The following GALNT13 variants were observed in gnomAD, a reference collection of about 807,000 sequenced individuals.
GALNT13 encodes UDP-GalNAc:polypeptide N-acetylgalactosaminyltransferase 13.
GALNT13 carries 28 observed loss-of-function variants against 64.2 expected under a neutral mutation model. The observed-to-expected ratio is 0.44, with a 90% CI of 0.32 to 0.60. The LOEUF is 0.60. Among genes scored for constraint, GALNT13 ranks in the 20% least tolerant of loss-of-function variants. The probability of loss-of-function intolerance (pLI) is 0.05; values close to 1 mark genes in which losing one functional copy is unlikely to be tolerated. For missense variants in GALNT13, 577 were observed against 669.8 expected (o/e 0.86, Z 1.53); for synonymous variants, 214 against 224.6 (o/e 0.95, Z 0.42).
chr2:154,051,590 A>G (rs760439532), intron 3 of GALNT13, among the ~76,000 whole-genome samples: 110 of 152,218 alleles, frequency 7.2e-4, no homozygotes, highest in Non-Finnish European at 1.1e-3. Context: ...GCGCCCGGCC[A>G]TCTTACTCCT....
the GALNT13 span, among the ~76,000 whole-genome samples, chr2:153,358,327 C>G: frequency 6.6e-6 from 1 of 152,224 alleles, no homozygotes; most frequent in Non-Finnish European, 1.5e-5. Flanking sequence ...TTTTAGATGC[C>G]TAAGGACGTC....
chr2:153,479,264 G>A, the GALNT13 span, among the ~76,000 whole-genome samples: 1 of 152,210 alleles, frequency 6.6e-6, no homozygotes, highest in African/African-American at 2.4e-5. Context: ...GCCTGCGTTG[G>A]ATTTCTAGTG....
the GALNT13 span, among the ~76,000 whole-genome samples, chr2:153,180,491 C>T: frequency 6.6e-6 from 1 of 152,012 alleles, no homozygotes; most frequent in African/African-American, 2.4e-5. Context: ...GTTTTGTTTT[C>T]TTCTGATGTC....
intron 1 of GALNT13, among the ~76,000 whole-genome samples, chr2:153,883,173 A>C (rs1686900717): frequency 6.6e-6 from 1 of 150,596 alleles, no homozygotes; most frequent in African/African-American, 2.4e-5. Context: ...CTAAATGAGT[A>C]AGAAAAACTC....
At chr2:153,374,742 C>A in the GALNT13 span, among the ~76,000 whole-genome samples, 1 of 152,108 alleles carries the variant, frequency 6.6e-6, no homozygotes, top group East Asian at 1.9e-4. Context: ...ATTTATTACG[C>A]TAATCTCCTC....
the GALNT13 span, among the ~76,000 whole-genome samples, chr2:153,383,683 C>A: frequency 1.3e-5 from 2 of 151,936 alleles, no homozygotes; most frequent in East Asian, 1.9e-4. Flanking sequence ...AACACATATA[C>A]CCTAAAAATA....
At chr2:153,813,388 T>C in the GALNT13 span, among the ~76,000 whole-genome samples, 2 of 152,230 alleles carry the variant, frequency 1.3e-5, no homozygotes, top group Non-Finnish European at 2.9e-5. Context: ...CAGCTACAGA[T>C]TGATGCATGT....
intron 8 of GALNT13, among the ~76,000 whole-genome samples, chr2:154,278,308 T>C (rs1406652248): frequency 2.0e-5 from 3 of 152,166 alleles, no homozygotes; most frequent in African/African-American, 7.2e-5. Flanking sequence ...AGACTACTGC[T>C]CCTTCATCAT....
At chr2:153,094,638 T>C in the GALNT13 span, among the ~76,000 whole-genome samples, 2 of 152,150 alleles carry the variant, frequency 1.3e-5, no homozygotes, top group South Asian at 4.1e-4. Flanking sequence ...CTTCAAACTA[T>C]ACTACAAGGC....
the GALNT13 span, among the ~76,000 whole-genome samples, chr2:153,694,142 ACTG>A: frequency 6.6e-6 from 1 of 152,156 alleles, no homozygotes; most frequent in African/African-American, 2.4e-5. Flanking sequence ...TCGTGAAATT[ACTG>A]CTATCTGTTT....
chr2:154,298,757 C>T (rs376195950), intron 8 of GALNT13, among the ~76,000 whole-genome samples: 28,116 of 31,376 alleles, frequency 0.9, 12,652 homozygotes, highest in South Asian at 0.95. Flanking sequence ...AATATATATA[C>T]TATATATAAA....
chr2:154,400,573 T>A (rs1004499461), intron 10 of GALNT13, among the ~76,000 whole-genome samples: 13 of 152,198 alleles, frequency 8.5e-5, no homozygotes, highest in African/African-American at 2.9e-4. Context: ...ATATCAGATA[T>A]CTGTATCTTA....
intron 9 of GALNT13, among the ~76,000 whole-genome samples, chr2:154,314,254 AC>A (rs1278553991): frequency 6.6e-6 from 1 of 152,186 alleles, no homozygotes; most frequent in Non-Finnish European, 1.5e-5. Flanking sequence ...GAGTAATTAC[AC>A]TAAATTTCAA....
chr2:153,709,741 C>A, the GALNT13 span, among the ~76,000 whole-genome samples: 2,763 of 152,070 alleles, frequency 0.018, 47 homozygotes, highest in Non-Finnish European at 0.029. Context: ...AAATCAACTT[C>A]AGTGCCCATC....
chr2:153,292,274 T>G, the GALNT13 span, among the ~76,000 whole-genome samples: 2 of 150,670 alleles, frequency 1.3e-5, no homozygotes, highest in Non-Finnish European at 3.0e-5. Flanking sequence ...TCTATGTTCT[T>G]GTCTGAGAAA....
the GALNT13 span, among the ~76,000 whole-genome samples, chr2:153,710,643 A>G: frequency 1.3e-5 from 2 of 152,102 alleles, no homozygotes; most frequent in Non-Finnish European, 2.9e-5. Context: ...TAGAGAGCTT[A>G]TCTTTAAGTT....
intron 4 of GALNT13, among the ~76,000 whole-genome samples, chr2:154,159,767 G>A (rs1327646024): frequency 6.6e-6 from 1 of 152,112 alleles, no homozygotes; most frequent in African/African-American, 2.4e-5. Context: ...GATTACTACA[G>A]TGTGCACTAT....
At chr2:153,584,389 G>C in the GALNT13 span, among the ~76,000 whole-genome samples, 1 of 152,160 alleles carries the variant, frequency 6.6e-6, no homozygotes, top group Non-Finnish European at 1.5e-5. Flanking sequence ...CAGGAACAGA[G>C]GTTGGTCATA....
chr2:153,953,452 T>C (rs1328138998), intron 3 of GALNT13, among the ~76,000 whole-genome samples: 1 of 152,134 alleles, frequency 6.6e-6, no homozygotes, highest in Non-Finnish European at 1.5e-5. Context: ...TTATTATTAT[T>C]TTACATGTGA....
Sources: gnomAD v4.1 joint callset for allele counts (sites outside exome capture counted in the v4.1 genomes callset) on GRCh38, gnomAD v4.1.1 for gene constraint, MANE v1.5 for transcripts, NCBI Gene and HGNC (gene_info 2026-07-23, HGNC 2026-07-21) for gene names.